Variants in RSPRY1 observed in about 807,000 individuals in gnomAD.
RSPRY1 encodes ring finger and SPRY domain containing 1.
RSPRY1 carries 23 observed loss-of-function variants against 73.1 expected under a neutral mutation model. The ratio of observed to expected loss-of-function variants is 0.31; its 90% CI spans 0.23 to 0.45. The LOEUF is 0.45. Ranked by LOEUF, RSPRY1 falls within the 20% of genes least tolerant of loss-of-function variation. The pLI is 1.00. For missense variants in RSPRY1, 448 were observed against 698.7 expected (o/e 0.64, Z 4.05); for synonymous variants, 226 against 251.4 (o/e 0.90, Z 0.95).
intron 1 of RSPRY1, among the ~76,000 whole-genome samples, chr16:57,190,138 C>T (rs2074328256): frequency 6.6e-6 from 1 of 151,846 alleles, no homozygotes. Context: ...GCGGCCAAGG[C>T]GGGAGGATCA....
intron 1 of RSPRY1, among the ~76,000 whole-genome samples, chr16:57,200,478 G>T (rs1442050748): frequency 6.6e-6 from 1 of 151,206 alleles, no homozygotes; most frequent in Non-Finnish European, 1.5e-5. Flanking sequence ...CCCAGTAGGG[G>T]CGGCAGGGCA....
At chr16:57,219,075 G>T (rs2074992974) in intron 8 of RSPRY1, among the ~76,000 whole-genome samples, 1 of 152,146 alleles carries the variant, frequency 6.6e-6, no homozygotes, top group Non-Finnish European at 1.5e-5. Context: ...GGACACTTAG[G>T]TTGATTCCAA....
chr16:57,201,438 A>G (rs1218238894), intron 1 of RSPRY1, among the ~76,000 whole-genome samples: 4 of 129,228 alleles, frequency 3.1e-5, no homozygotes, highest in African/African-American at 6.0e-5. Context: ...CCTAGATGGG[A>G]TGGCGGCCGG....
chr16:57,232,228 A>G (rs2075234170), intron 13 of RSPRY1, among the ~76,000 whole-genome samples: 1 of 152,146 alleles, frequency 6.6e-6, no homozygotes, highest in African/African-American at 2.4e-5. Flanking sequence ...TTTTGGCTCA[A>G]AAAGCAGATC....
At chr16:57,191,219 T>C (rs775657119) in intron 1 of RSPRY1, among the ~76,000 whole-genome samples, 8 of 152,356 alleles carry the variant, frequency 5.3e-5, no homozygotes, top group Admixed American at 1.3e-4. Flanking sequence ...AATGCAGTGA[T>C]TCTCAAGATG....
At chr16:57,200,112 C>G (rs372571451) in intron 1 of RSPRY1, among the ~76,000 whole-genome samples, 3 of 147,730 alleles carry the variant, frequency 2.0e-5, no homozygotes, top group East Asian at 3.9e-4. Flanking sequence ...TGACTCTTAA[C>G]GAGCATGCTG....
In RSPRY1 at chr16:57,216,185, G is replaced by A; in HGVS notation, c.769+12G>A. ...GTTTGCACAGACAAGTAGGTATAGT[G>A]ACTTCTTGCACTAATGATCTTCTGT... On this transcript the variant is annotated intron_variant, in intron 7 of 14. Transcript: ENST00000394420. The A allele has an allele frequency of 6.3e-7, 1 of 1,587,660 alleles. No homozygotes were observed. Among genetic ancestry groups the A allele is most frequent in the Middle Eastern group, 1.7e-4 (1 of 5,996 alleles).
Position 57,201,201 on chromosome 16 carries a change from C to T in RSPRY1, c.-155-3303C>T, listed in dbSNP as rs1488230643. Among the ~76,000 whole-genome samples the T allele has an allele frequency of 4.0e-5, 6 of 151,562 alleles. No homozygotes were observed. The South Asian group carries it at 6.3e-4, about 16-fold the overall frequency. The stretch of plus-strand genomic sequence containing the variant: ...GTGGAGGGGCTCCTCACTTCTCAGA[C>T]GGTGTGGCTGCCGGGCGGAGGGGCT... On this transcript the variant is annotated intron_variant, in intron 1 of 14. Transcript: ENST00000394420.
Position 57,201,303 on chromosome 16 carries a change from G to A in RSPRY1, c.-155-3201G>A, listed in dbSNP as rs2074596913. On this transcript the variant is annotated intron_variant, in intron 1 of 14. Coordinates refer to ENST00000394420, the MANE Select transcript of RSPRY1 (RefSeq NM_133368.3). ...AGACGGGGCGGTTGCCAGGCAGAGG[G>A]TCTCCTCACTTCTCAGACGGGGCGG... is the stretch of plus-strand genomic sequence containing the variant. Among the ~76,000 whole-genome samples, 3 of 149,598 alleles carry A rather than the reference G, an allele frequency of 2.0e-5. No homozygotes were observed. The South Asian group carries it at 6.4e-4, about 32-fold the overall frequency.
chr16:57,239,025 G>T lies in RSPRY1; in HGVS notation c.*50G>T. 9.9e-7 allele frequency: 1 copy of T among 1,005,460 alleles called. No individual in the cohort carries two copies. The highest frequency in any genetic ancestry group is 1.5e-6 in the Non-Finnish European group (1 of 668,632). The allele number at this position is 1,005,460 out of a possible 1,614,324, so 62.3% of individuals were successfully genotyped here. On this transcript the variant is annotated 3_prime_UTR_variant, in exon 15 of 15. Coordinates refer to ENST00000394420, the MANE Select transcript of RSPRY1 (RefSeq NM_133368.3). ...TTTTTTCTACTCAATTCCAGCCAAT[G>T]TTGAAAAGAAAAAGAAAAAAAAAAC...
intron 1 of RSPRY1, among the ~76,000 whole-genome samples, chr16:57,188,023 A>G (rs2074279087): frequency 6.6e-6 from 1 of 152,198 alleles, no homozygotes; most frequent in African/African-American, 2.4e-5. Context: ...TTGGATGTCT[A>G]CAGGCAGTGA....
chr16:57,186,290 G>T, upstream of RSPRY1: 1 of 461,692 alleles, frequency 2.2e-6, no homozygotes, highest in Non-Finnish European at 2.8e-6. Flanking sequence ...TTTCCTAGGG[G>T]ACTGAGGGAG....
rs141936673 is a variant in RSPRY1, at chr16:57,230,555, G to T, written c.1274-156G>T. Among the ~76,000 whole-genome samples, 37 of 152,200 alleles carry T rather than the reference G, an allele frequency of 2.4e-4. 1 individual carries two copies. The East Asian group carries it at 6.0e-3, about 25-fold the overall frequency. On this transcript the variant is annotated intron_variant, in intron 11 of 14. Coordinates refer to ENST00000394420, the MANE Select transcript of RSPRY1 (RefSeq NM_133368.3). ...TTACATTAAAATATTGGTGTATAGG[G>T]GTCAGATCAGTTACAGAAGAAACAA...
At chr16:57,202,149 C>T (rs1472113787) in intron 1 of RSPRY1, among the ~76,000 whole-genome samples, 1 of 149,200 alleles carries the variant, frequency 6.7e-6, no homozygotes, top group African/African-American at 2.5e-5. Flanking sequence ...AGCAAGACCC[C>T]ATCTCTAAAA....
At chr16:57,224,671 ATTT>A (rs1260942231) in intron 10 of RSPRY1, among the ~76,000 whole-genome samples, 1 of 152,184 alleles carries the variant, frequency 6.6e-6, no homozygotes, top group Admixed American at 6.5e-5. Flanking sequence ...AGCTTAAGAG[ATTT>A]TTAAAGTGCA....
intron 1 of RSPRY1, among the ~76,000 whole-genome samples, chr16:57,200,751 C>G (rs1750698997): frequency 7.6e-6 from 1 of 131,866 alleles, no homozygotes; most frequent in South Asian, 2.4e-4. Context: ...CAGAGGCGCC[C>G]CTCACCTCCC....
chr16:57,213,147 A>T, intron 5 of RSPRY1, 49 bp downstream of exon 5: 2 of 1,560,258 alleles, frequency 1.3e-6, no homozygotes, highest in Non-Finnish European at 1.7e-6. Flanking sequence ...GTTTGACATT[A>T]AAGGGAAATT....
Position 57,240,415 on chromosome 16 carries a change from TGTG to T in RSPRY1, c.*1444_*1446del, listed in dbSNP as rs1365285094. On this transcript the variant is annotated 3_prime_UTR_variant, in exon 15 of 15. Transcript: ENST00000394420. ...AGGATACATGTTCTCTTCTTTAGCT[TGTG>T]GTGAATACAGTAATTTGCATTGAAG... The T allele has an allele frequency of 1.3e-5, 2 of 152,116 alleles. No homozygotes were observed. The highest frequency in any genetic ancestry group is 4.8e-5 in the African/African-American group (2 of 41,510). 9.4% of individuals were successfully genotyped at this position (152,116 alleles called of 1,614,324 possible).
In RSPRY1 at chr16:57,213,043, T is replaced by C; in HGVS notation, c.588T>C (p.Pro196=). The C allele has an allele frequency of 6.2e-7, 1 of 1,614,148 alleles. No individual in the cohort carries two copies. Among genetic ancestry groups the C allele is most frequent in the Non-Finnish European group, 8.5e-7 (1 of 1,180,008 alleles). ...GEVACQDSSH[P]AKHRNTSAVL... is the part of the protein sequence containing the mutation. ...TAGCTTGCCAGGACTCAAGCCATCCTGCCAAACACAGGAACACATCTGCAG... is the reference window on the plus strand; with the variant it reads ...TAGCTTGCCAGGACTCAAGCCATCCCGCCAAACACAGGAACACATCTGCAG... Residue 196 remains proline (P), a synonymous_variant, in exon 5 of 15, where the codon CCT becomes CCC. Transcript: ENST00000394420.
Sources: gnomAD v4.1 joint callset for allele counts (sites outside exome capture counted in the v4.1 genomes callset) on GRCh38, gnomAD v4.1.1 for gene constraint, MANE v1.5 for transcripts, NCBI Gene and HGNC (gene_info 2026-07-23, HGNC 2026-07-21) for gene names.